Variants in ZNF594 observed in about 807,000 individuals in gnomAD.
ZNF594 encodes zinc finger protein 594.
For missense variants in ZNF594, 1,037 were observed against 964.6 expected (o/e 1.08, Z -0.99); for synonymous variants, 336 against 309.4 (o/e 1.09, Z -0.90).
intron 1 of ZNF594, 65 bp from the exon 2 acceptor site, chr17:5,184,341 G>A (rs1172735574): frequency 1.1e-5 from 16 of 1,460,904 alleles, no homozygotes; most frequent in Admixed American, 2.3e-5. Flanking sequence ...CATTATACTG[G>A]GCAGTCTAAG....
rs749372276 is a variant in ZNF594, at chr17:5,184,290, T to C, written c.-20-14A>G. On this transcript the variant is annotated splice_polypyrimidine_tract_variant and intron_variant, in intron 1 of 1. Transcript: ENST00000575779. Reference sequence around the variant, plus strand: ...TGTCTTCAGAATCTGAAATGATAAGTAGATCATTCTATAATTCCTAAAATA... The same window carrying C: ...TGTCTTCAGAATCTGAAATGATAAGCAGATCATTCTATAATTCCTAAAATA... 14 of 1,579,964 alleles carry C rather than the reference T, an allele frequency of 8.9e-6. No homozygotes were observed. The African/African-American group carries it at 1.5e-4, about 17-fold the overall frequency.
intron 1 of ZNF594, among the ~76,000 whole-genome samples, chr17:5,185,459 A>G (rs1453810368): frequency 6.6e-6 from 1 of 152,216 alleles, no homozygotes; most frequent in Admixed American, 6.5e-5. Context: ...CCCACAAAAC[A>G]TGGGATTTAT....
At chr17:5,190,518 T>A (rs1200668018) in intron 1 of ZNF594, among the ~76,000 whole-genome samples, 1 of 152,216 alleles carries the variant, frequency 6.6e-6, no homozygotes, top group Non-Finnish European at 1.5e-5. Flanking sequence ...ATCTTTTAAC[T>A]ATGTCAATCC....
the ZNF594 span, chr17:5,174,216 TA>T: frequency 1.0e-5 from 2 of 191,570 alleles, no homozygotes; most frequent in Non-Finnish European, 2.2e-5. Flanking sequence ...AACAAAAGTA[TA>T]AATATTATTT....
In ZNF594 at chr17:5,182,696, A is replaced by G. The variant is rs773927324; in HGVS notation, c.1561T>C (p.Cys521Arg). 13 of 1,613,974 alleles carry G rather than the reference A, an allele frequency of 8.1e-6. No individual in the cohort carries two copies. The highest frequency in any genetic ancestry group is 1.7e-5 in the Admixed American group (1 of 60,004). The change falls in exon 2 of 2, where the codon TGT becomes CGT. Residue 521 changes from cysteine (C) to arginine (R), a missense_variant. Coordinates refer to ENST00000575779, the MANE Select transcript of ZNF594 (RefSeq NM_032530.2). ...SGEKPYECKE[C>R]GKLFIWRTAF... ...GTGCGCCAAATGAAGAGCTTCCCACATTCCTTACATTCATAGGGTTTCTCA... is the reference window on the plus strand; with the variant it reads ...GTGCGCCAAATGAAGAGCTTCCCACGTTCCTTACATTCATAGGGTTTCTCA...
chr17:5,184,112 C>T lies in ZNF594; in HGVS notation c.145G>A (p.Val49Ile). The change falls in exon 2 of 2, where the codon GTA (valine) becomes ATA (isoleucine). Residue 49 changes from valine (V) to isoleucine (I), a missense_variant. By Grantham distance (29) the Val-to-Ile change is conservative. Transcript: ENST00000575779. Reference protein sequence around the residue: ...NSEDRLLKHWVSPLKDAMRHL... With the variant: ...NSEDRLLKHWISPLKDAMRHL... ...CTCATTGCATCCTTTAAAGGGCTTA[C>T]CCAGTGCTTCAATAATCTGTCCTCA... is the stretch of plus-strand genomic sequence containing the variant. 1 of 1,614,174 alleles carries T rather than the reference C, an allele frequency of 6.2e-7. No individual in the cohort carries two copies. The highest frequency in any genetic ancestry group is 8.5e-7 in the Non-Finnish European group (1 of 1,180,030).
In ZNF594 at chr17:5,181,477, G is replaced by T. The variant is rs753635167; in HGVS notation, c.*356C>A. On this transcript the variant is annotated 3_prime_UTR_variant, in exon 2 of 2. Coordinates refer to ENST00000575779, the MANE Select transcript of ZNF594 (RefSeq NM_032530.2). The stretch of plus-strand genomic sequence containing the variant: ...CTGAAGGTTTTCTCACGTTCTTCAA[G>T]TTTCTCTCCAGCATGCAGTCTCTGA... 20 of 1,613,696 alleles carry T rather than the reference G, an allele frequency of 1.2e-5. No individual in the cohort carries two copies. Among genetic ancestry groups the T allele is most frequent in the African/African-American group, 4.0e-5 (3 of 74,872 alleles).
Position 5,183,961 on chromosome 17 carries a change from T to C in ZNF594, c.296A>G (p.His99Arg), listed in dbSNP as rs752563684. Reference protein sequence around the residue: ...EKILSAGESSHRYEVSGQNFK... With the variant: ...EKILSAGESSRRYEVSGQNFK... Reference sequence around the variant, plus strand: ...GTTTTGGCCACTAACCTCATATCTATGGGAGCTTTCTCCTGCAGAAAGTAT... The same window carrying C: ...GTTTTGGCCACTAACCTCATATCTACGGGAGCTTTCTCCTGCAGAAAGTAT... Residue 99 changes from histidine (H) to arginine (R), a missense_variant, in exon 2 of 2, where the codon CAT becomes CGT. Coordinates refer to ENST00000575779, the MANE Select transcript of ZNF594 (RefSeq NM_032530.2). The C allele has an allele frequency of 4.3e-6, 7 of 1,613,980 alleles. No individual in the cohort carries two copies. The highest frequency in any genetic ancestry group is 4.0e-5 in the African/African-American group (3 of 74,946).
intron 1 of ZNF594, among the ~76,000 whole-genome samples, chr17:5,189,374 A>C (rs2074407424): frequency 6.7e-6 from 1 of 150,188 alleles, no homozygotes; most frequent in Non-Finnish European, 1.5e-5. Flanking sequence ...CAGCCTCCCA[A>C]GTAGCTGGGA....
intron 1 of ZNF594, among the ~76,000 whole-genome samples, chr17:5,190,649 G>A (rs1010261585): frequency 6.6e-6 from 1 of 152,194 alleles, no homozygotes; most frequent in Non-Finnish European, 1.5e-5. Context: ...TAAAAGCGCT[G>A]CGGTGGCAAT....
rs148424048 is a variant in ZNF594, at chr17:5,182,903, G to A, written c.1354C>T (p.Arg452Cys). 8.5e-3 allele frequency: 13,661 copies of A among 1,613,202 alleles called. 72 individuals carry two copies. The highest frequency in any genetic ancestry group is 0.011 in the Non-Finnish European group (12,814 of 1,179,734). ...RGSSDLIRHHRVHTGEKPYEC... is the reference protein window; with the variant it reads ...RGSSDLIRHHCVHTGEKPYEC... ...TAGGGTTTCTCTCCAGTATGAACAC[G>A]ATGGTGTCTAATAAGATCTGAGCTG... Residue 452 changes from arginine to cysteine, a missense_variant, in exon 2 of 2, where the codon CGT becomes TGT. Arg to Cys is a radical substitution (Grantham distance 180). Coordinates refer to ENST00000575779, the MANE Select transcript of ZNF594 (RefSeq NM_032530.2).
Position 5,182,141 on chromosome 17 carries a change from T to A in ZNF594, c.2116A>T (p.Lys706Ter). Residue 706 changes from lysine (K) to a stop codon, truncating the protein, a stop_gained, in exon 2 of 2, where the codon AAA (lysine) becomes TAA (stop). Transcript: ENST00000575779. LOFTEE classifies it low-confidence loss of function (END_TRUNC). The part of the protein sequence containing the change: ...IQHRRLHSGE[K>*]PYECKECGKL... ...CCACATTCCTTACATTCATAGGGTT[T>A]CTCACCACTATGAAGTCTCCGATGT... The A allele has an allele frequency of 6.2e-7, 1 of 1,613,556 alleles. No homozygotes were observed. Among genetic ancestry groups the A allele is most frequent in the Non-Finnish European group, 8.5e-7 (1 of 1,179,958 alleles).
At chr17:5,187,384 T>C (rs2074392516) in intron 1 of ZNF594, among the ~76,000 whole-genome samples, 1 of 152,150 alleles carries the variant, frequency 6.6e-6, no homozygotes, top group Admixed American at 6.5e-5. Context: ...CCACAACATA[T>C]GGGAATTATG....
chr17:5,182,965 G>A lies in ZNF594; in HGVS notation c.1292C>T (p.Pro431Leu). ...RHHRIHSGEK[P>L]CVCSKCGKSF... Reference sequence around the variant, plus strand: ...TTTCCCACATTTGCTACATACACAAGGTTTTTCTCCACTGTGAATTCTATG... The same window carrying A: ...TTTCCCACATTTGCTACATACACAAAGTTTTTCTCCACTGTGAATTCTATG... The change falls in exon 2 of 2, where the codon CCT (proline) becomes CTT (leucine). Residue 431 changes from proline to leucine, a missense_variant. Coordinates refer to ENST00000575779, the MANE Select transcript of ZNF594 (RefSeq NM_032530.2). The A allele has an allele frequency of 6.2e-7, 1 of 1,614,024 alleles. No homozygotes were observed. The highest frequency in any genetic ancestry group is 8.5e-7 in the Non-Finnish European group (1 of 1,180,008).
chr17:5,184,386 G>T, intron 1 of ZNF594, 110 bp from the exon 2 acceptor site: 1 of 1,093,982 alleles, frequency 9.1e-7, no homozygotes, highest in Non-Finnish European at 1.3e-6. Flanking sequence ...ACCTTTCCCT[G>T]CCAAAGCTGA....
chr17:5,177,508 G>A (rs1328062102), downstream of ZNF594, among the ~76,000 whole-genome samples: 1 of 152,074 alleles, frequency 6.6e-6, no homozygotes, highest in Non-Finnish European at 1.5e-5. Flanking sequence ...CCAGGAGTTC[G>A]AGACCAGCCT....
At chr17:5,184,458 T>C (rs1156682807) in intron 1 of ZNF594, 182 bp from the exon 2 acceptor site, 1 of 658,828 alleles carries the variant, frequency 1.5e-6, no homozygotes, top group African/African-American at 1.8e-5. Context: ...ACATACCCTG[T>C]TGGTGAAAAA....
chr17:5,182,106 G>T lies in ZNF594; in HGVS notation c.2151C>A (p.Phe717Leu). The T allele has an allele frequency of 6.2e-7, 1 of 1,613,488 alleles. No homozygotes were observed. Among genetic ancestry groups the T allele is most frequent in the Non-Finnish European group, 8.5e-7 (1 of 1,179,972 alleles). Residue 717 changes from phenylalanine (F) to leucine (L), a missense_variant, in exon 2 of 2, where the codon TTC becomes TTA. Physicochemically the swap from Phe to Leu is conservative, Grantham distance 22 (BLOSUM62 0). Transcript: ENST00000575779. ...GTTTGAGGAAAGCCGTGTGCCACAT[G>T]AAGAGTTTCCCACATTCCTTACATT... ...PYECKECGKL[F>L]MWHTAFLKHQ... is the part of the protein sequence containing the mutation.
Position 5,180,494 on chromosome 17 carries a change from AATG to A in ZNF594, c.*1336_*1338del, listed in dbSNP as rs2074331818. 6.5e-6 allele frequency: 1 copy of A among 154,840 alleles called. No homozygotes were observed. The highest frequency in any genetic ancestry group is 2.4e-5 in the African/African-American group (1 of 41,440). The allele number at this position is 154,840 out of a possible 1,614,324, so 9.6% of individuals were successfully genotyped here. A position where few individuals can be genotyped will look rare whatever the true frequency, so the allele number is the denominator to read the frequency against. ...TGGGGTTGTTGCCAAAGTGATTTATAATGATTTTAATAATGATAGACATCCCTT... is the reference window on the plus strand; with the variant it reads ...TGGGGTTGTTGCCAAAGTGATTTATAATTTTAATAATGATAGACATCCCTT... On this transcript the variant is annotated 3_prime_UTR_variant, in exon 2 of 2. Coordinates refer to ENST00000575779, the MANE Select transcript of ZNF594 (RefSeq NM_032530.2).
Sources: allele counts gnomAD v4.1 joint callset (sites outside exome capture counted in the v4.1 genomes callset), GRCh38; gene constraint gnomAD v4.1.1; transcripts MANE v1.5; gene names NCBI Gene and HGNC (gene_info 2026-07-23, HGNC 2026-07-21).